ABCC6: variants seen among roughly 807,000 people sequenced by gnomAD.
The protein encoded by ABCC6 is ATP-binding cassette sub-family C member 6.
ABCC6 carries 126 observed loss-of-function variants against 169.5 expected under a neutral mutation model. That is an observed-to-expected ratio of 0.74 (90% CI 0.64 to 0.86). The LOEUF (loss-of-function observed/expected upper bound fraction) is 0.86. Ranked by LOEUF, ABCC6 falls within the 40% of genes least tolerant of loss-of-function variation. ABCC6 has a pLI of 0.00. For synonymous variants in ABCC6, 752 were observed against 814.7 expected (o/e 0.92, Z 1.31); for missense variants, 1,733 against 1,927.2 (o/e 0.90, Z 1.89).
intron 6 of ABCC6, among the ~76,000 whole-genome samples, chr16:16,209,664 T>C (rs8045283): frequency 3.9e-5 from 6 of 152,040 alleles, no homozygotes; most frequent in South Asian, 2.1e-4. Flanking sequence ...AGTGCACTGA[T>C]GTGATCTGGG....
intron 10 of ABCC6, 147 bp from the exon 11 acceptor site, chr16:16,193,069 T>A: frequency 1.5e-6 from 1 of 673,532 alleles, no homozygotes; most frequent in Non-Finnish European, 2.6e-6. Context: ...GTTAGGGTAT[T>A]GTAAGTCACA....
chr16:16,185,122 C>G, intron 14 of ABCC6, 88 bp from the exon 15 acceptor site: 1 of 1,231,150 alleles, frequency 8.1e-7, no homozygotes. Context: ...TCCCCCGCCC[C>G]CCCCAGGGGC....
chr16:16,205,906 C>T (rs1180149369), intron 7 of ABCC6, among the ~76,000 whole-genome samples: 1 of 151,970 alleles, frequency 6.6e-6, no homozygotes, highest in Non-Finnish European at 1.5e-5. Flanking sequence ...CCTGCACATA[C>T]TGTTATAAAA....
chr16:16,194,827 G>A (rs556073913), intron 10 of ABCC6, among the ~76,000 whole-genome samples: 4 of 152,166 alleles, frequency 2.6e-5, no homozygotes, highest in Admixed American at 1.3e-4. Context: ...TGGGATTACA[G>A]GCATGTGTCA....
intron 9 of ABCC6, among the ~76,000 whole-genome samples, chr16:16,201,586 A>G (rs2048235434): frequency 6.6e-6 from 1 of 152,130 alleles, no homozygotes; most frequent in African/African-American, 2.4e-5. Flanking sequence ...TTACAGGAAT[A>G]ACTAAGGAGC....
chr16:16,167,657 C>T (rs752823820), intron 22 of ABCC6, among the ~76,000 whole-genome samples: 2 of 151,900 alleles, frequency 1.3e-5, no homozygotes, highest in South Asian at 2.1e-4. Flanking sequence ...TTAGTAGAGA[C>T]GGGGTTTCAC....
In ABCC6 at chr16:16,187,080, TC is replaced by T. The variant is rs751603124; in HGVS notation, c.1867+43del. ...ATTATGGGCTGGGGTGGCCCCCACA[TC>T]CCCCATCCCTCCCACACCCCTCCTG... On this transcript the variant is annotated intron_variant, in intron 14 of 30. Transcript: ENST00000205557. The T allele has an allele frequency of 3.7e-4, 548 of 1,470,144 alleles. 5 individuals carry two copies. Among genetic ancestry groups the T allele is most frequent in the Admixed American group, 6.8e-4 (40 of 58,440 alleles). 91.1% of individuals were successfully genotyped at this position (1,470,144 alleles called of 1,614,324 possible). A position where few individuals can be genotyped will look rare whatever the true frequency, so the allele number is the denominator to read the frequency against.
chr16:16,197,945 G>A lies in ABCC6; in HGVS notation c.1338+76C>T, dbSNP rs934426845. The A allele has an allele frequency of 6.8e-6, 10 of 1,470,698 alleles. No individual in the cohort carries two copies. In the African/African-American group the frequency reaches 1.4e-4, roughly 21 times the overall value. 91.1% of individuals were successfully genotyped at this position (1,470,698 alleles called of 1,614,324 possible). ...ATGCTAAGTCAGGAGGAGGAAGGGT[G>A]GGAGGGGGAAGGAGGAGGGGGAGAA... On this transcript the variant is annotated intron_variant, in intron 10 of 30. Coordinates refer to ENST00000205557, the MANE Select transcript of ABCC6 (RefSeq NM_001171.6).
At chr16:16,192,165 A>G in intron 11 of ABCC6, among the ~76,000 whole-genome samples, 1 of 152,162 alleles carries the variant, frequency 6.6e-6, no homozygotes, top group East Asian at 1.9e-4. Context: ...AGGGTGATCC[A>G]GGTGGAGGGA....
intron 11 of ABCC6, among the ~76,000 whole-genome samples, chr16:16,191,995 T>C (rs1027440067): frequency 1.3e-5 from 2 of 151,850 alleles, no homozygotes; most frequent in Non-Finnish European, 2.9e-5. Flanking sequence ...CTGTAGGTTG[T>C]GGGAAGTGCT....
intron 22 of ABCC6, among the ~76,000 whole-genome samples, chr16:16,169,153 G>T (rs1220368049): frequency 1.3e-5 from 2 of 152,186 alleles, no homozygotes; most frequent in African/African-American, 4.8e-5. Context: ...AGGATCCTTT[G>T]TGTGATACTT....
chr16:16,197,976 G>A (rs771966090), intron 10 of ABCC6, 45 bp downstream of exon 10: 2 of 1,582,710 alleles, frequency 1.3e-6, no homozygotes, highest in South Asian at 1.1e-5. Flanking sequence ...GAGAAGGAGG[G>A]GGTGGGGGAC....
rs758980634 is a variant in ABCC6, at chr16:16,182,826, AC to A, written c.2047del (p.Val683TrpfsTer5). ...LSALLGELSK[V>X]EGFVSIEGAV... ...CACCTCGATGCTCACGAACCCCTCC[AC>A]CTTTGACAGCTCCCCAAGGAGGGCG... On this transcript the variant is annotated frameshift_variant, in exon 16 of 31. Coordinates refer to ENST00000205557, the MANE Select transcript of ABCC6 (RefSeq NM_001171.6). LOFTEE classifies it high-confidence loss of function. 3 of 1,613,916 alleles carry A rather than the reference AC, an allele frequency of 1.9e-6. No individual in the cohort carries two copies. In the Admixed American group the frequency reaches 5.0e-5, roughly 27 times the overall value.
At chr16:16,169,539 C>A in intron 22 of ABCC6, 107 bp downstream of exon 22, 1 of 1,349,168 alleles carries the variant, frequency 7.4e-7, no homozygotes, top group Non-Finnish European at 1.0e-6. Flanking sequence ...GTTTTGCACA[C>A]TGTTCCAGGG....
At chr16:16,186,299 T>C (rs1054156224) in intron 14 of ABCC6, among the ~76,000 whole-genome samples, 4 of 152,162 alleles carry the variant, frequency 2.6e-5, no homozygotes, top group African/African-American at 9.7e-5. Flanking sequence ...AATGCTGTCA[T>C]GCTTATTACC....
At chr16:16,150,314 G>A in intron 30 of ABCC6, 73 bp from the exon 31 acceptor site, 8 of 1,603,616 alleles carry the variant, frequency 5.0e-6, no homozygotes, top group Non-Finnish European at 6.8e-6. Context: ...AGAGCCCAGT[G>A]TGTCTGCGCT....
intron 11 of ABCC6, among the ~76,000 whole-genome samples, chr16:16,190,918 G>GTGGGGGC (rs2047829713): frequency 8.3e-6 from 1 of 120,450 alleles, no homozygotes; most frequent in Non-Finnish European, 1.8e-5. Context: ...GGGGTGGGGG[G>GTGGGGGC]TGGGGGCTGG....
chr16:16,157,174 G>A (rs939597776), intron 27 of ABCC6, among the ~76,000 whole-genome samples: 46 of 152,066 alleles, frequency 3.0e-4, no homozygotes, highest in African/African-American at 1.1e-3. Context: ...AAAAGCATTA[G>A]TAAACATTTC....
At chr16:16,193,514 G>A (rs533472736) in intron 10 of ABCC6, among the ~76,000 whole-genome samples, 32 of 152,264 alleles carry the variant, frequency 2.1e-4, no homozygotes, top group Non-Finnish European at 4.1e-4. Flanking sequence ...AGGAGTTTGA[G>A]ACCAGCCTGG....
Sources: gnomAD v4.1 joint callset for allele counts (sites outside exome capture counted in the v4.1 genomes callset) on GRCh38, gnomAD v4.1.1 for gene constraint, MANE v1.5 for transcripts, NCBI Gene and HGNC (gene_info 2026-07-23, HGNC 2026-07-21) for gene names.